Variants in RASSF1 observed in about 807,000 individuals in gnomAD.
RASSF1 encodes Ras association domain family member 1, also known as ras association domain-containing protein 1.
Under a neutral mutation model 34.3 loss-of-function variants are expected in RASSF1, and 33 were observed. The observed-to-expected ratio is 0.96, with a 90% CI of 0.73 to 1.29. The LOEUF is 1.29. RASSF1 is among the 50% of genes most tolerant of loss of function. The pLI is 0.00. For missense variants in RASSF1, 445 were observed against 471.8 expected (o/e 0.94, Z 0.53); for synonymous variants, 191 against 195.0 (o/e 0.98, Z 0.17).
chr3:50,339,753 C>T (rs1703295546), intron 1 of RASSF1, among the ~76,000 whole-genome samples: 1 of 152,186 alleles, frequency 6.6e-6, no homozygotes, highest in Admixed American at 6.5e-5. Flanking sequence ...ATGAGAGGGT[C>T]TCCATGCACA....
chr3:50,333,949 C>CT (rs1703035175), intron 2 of RASSF1, among the ~76,000 whole-genome samples: 2 of 152,170 alleles, frequency 1.3e-5, no homozygotes, highest in African/African-American at 4.8e-5. Flanking sequence ...CAGATAGGCC[C>CT]TAGTTAGAAT....
chr3:50,335,266 C>CTTT (rs201008830), intron 2 of RASSF1, among the ~76,000 whole-genome samples: 1 of 143,300 alleles, frequency 7.0e-6, no homozygotes, highest in Admixed American at 6.9e-5. Context: ...ATGTTTTTTT[C>CTTT]TTTTTTTTTA....
chr3:50,336,821 G>A, intron 2 of RASSF1: 1 of 309,482 alleles, frequency 3.2e-6, no homozygotes, highest in Non-Finnish European at 6.1e-6. Context: ...CCCAAGGAGG[G>A]AGCAGGAGCA....
chr3:50,335,599 A>G (rs937723804), intron 2 of RASSF1, among the ~76,000 whole-genome samples: 11 of 151,714 alleles, frequency 7.3e-5, no homozygotes, highest in Non-Finnish European at 1.2e-4. Context: ...GATTACAGGC[A>G]TGAGTCACCA....
chr3:50,336,655 T>C (rs587690740), intron 2 of RASSF1: 1 of 154,528 alleles, frequency 6.5e-6, no homozygotes, highest in Admixed American at 6.4e-5. Flanking sequence ...CAGCAGCTGG[T>C]GACAGGCCAG....
At chr3:50,336,970 G>T in intron 2 of RASSF1, 1 of 725,598 alleles carries the variant, frequency 1.4e-6, no homozygotes. Context: ...GAAACCAAGG[G>T]GGCCCCGGCA....
intron 2 of RASSF1, 115 bp from the exon 3 acceptor site, chr3:50,332,269 G>A (rs1473804503): frequency 3.8e-6 from 3 of 799,556 alleles, no homozygotes; most frequent in Non-Finnish European, 4.1e-6. Flanking sequence ...TGTCCCTGAT[G>A]TACATATACA....
At chr3:50,336,377 T>G (rs1449906938) in intron 2 of RASSF1, 1 of 152,276 alleles carries the variant, frequency 6.6e-6, no homozygotes, top group Non-Finnish European at 1.5e-5. Flanking sequence ...CCTGGTTCTC[T>G]GAGCCTGGTG....
chr3:50,335,896 G>A (rs937856257), intron 2 of RASSF1, among the ~76,000 whole-genome samples: 4 of 150,992 alleles, frequency 2.6e-5, no homozygotes, highest in Non-Finnish European at 1.5e-5. Context: ...GTGAGCCACC[G>A]TACTTGGCTT....
rs1439777003 is a variant in RASSF1 at position 50,337,996 on chromosome 3, C to G, written c.266G>C (p.Cys89Ser). ...GACGAGCGCGCGGCAGCGGTAGTGGCAGGTGAACTTGCAATCTGCAGAGAG... is the reference window on the plus strand; with the variant it reads ...GACGAGCGCGCGGCAGCGGTAGTGGGAGGTGAACTTGCAATCTGCAGAGAG... ...GLQCAHCKFT[C>S]HYRCRALVCL... Residue 89 changes from cysteine (C) to serine (S), a missense_variant, in exon 2 of 6, where the codon TGC (cysteine) becomes TCC (serine). Coordinates refer to ENST00000359365, the MANE Select transcript of RASSF1 (RefSeq NM_007182.5). 1.3e-6 allele frequency: 2 copies of G among 1,595,860 alleles called. No individual in the cohort carries two copies. The highest frequency in any genetic ancestry group is 2.7e-5 in the African/African-American group (2 of 74,784).
At chr3:50,335,079 G>A (rs1386608209) in intron 2 of RASSF1, among the ~76,000 whole-genome samples, 1 of 151,996 alleles carries the variant, frequency 6.6e-6, no homozygotes, top group Non-Finnish European at 1.5e-5. Context: ...CTCCCAAGTA[G>A]CTGGGATTAC....
chr3:50,335,766 C>T (rs886495401), intron 2 of RASSF1, among the ~76,000 whole-genome samples: 1 of 151,546 alleles, frequency 6.6e-6, no homozygotes, highest in African/African-American at 2.4e-5. Context: ...CCACCATGCC[C>T]GGCTAATTTT....
At chr3:50,332,183 G>T (rs762147351) in intron 2 of RASSF1, 29 bp from the exon 3 acceptor site, 2 of 1,600,730 alleles carry the variant, frequency 1.2e-6, no homozygotes, top group South Asian at 2.2e-5. Context: ...TGGACACAGG[G>T]CCCTTGAGGA....
Position 50,340,791 on chromosome 3 carries a change from A to T in RASSF1, c.15T>A (p.Pro5=). Residue 5 remains proline (P), a synonymous_variant, in exon 1 of 6, where the codon CCT becomes CCA. Coordinates refer to ENST00000359365, the MANE Select transcript of RASSF1 (RefSeq NM_007182.5). MSGE[P]ELIELRELAP... The stretch of plus-strand genomic sequence containing the variant: ...CCAGCTCCCGCAGCTCAATGAGCTC[A>T]GGCTCCCCCGACATGGCCCGGTTGG... 1 of 1,511,480 alleles carries T rather than the reference A, an allele frequency of 6.6e-7. No individual in the cohort carries two copies. The allele number at this position is 1,511,480 out of a possible 1,614,324, so 93.6% of individuals were successfully genotyped here. A position where few individuals can be genotyped will look rare whatever the true frequency, so the allele number is the denominator to read the frequency against.
chr3:50,337,005 G>A, intron 2 of RASSF1: 1 of 958,068 alleles, frequency 1.0e-6, no homozygotes, highest in Non-Finnish European at 1.5e-6. Flanking sequence ...GGTGGAATCG[G>A]GGTCTTACGC....
intron 2 of RASSF1, 192 bp downstream of exon 2, chr3:50,337,712 CG>C (rs1703209416): frequency 1.2e-6 from 1 of 831,878 alleles, no homozygotes; most frequent in South Asian, 1.8e-5. Flanking sequence ...CCGCTTGCAG[CG>C]GGTGGAGTAC....
In RASSF1 at chr3:50,331,428, T is replaced by C; in HGVS notation, c.782A>G (p.Asp261Gly). ...HGQVYLRKLL[D>G]DEQPLRLRLL... ...CCGCAGCCGCAGGGGCTGCTCATCA[T>C]CCAACAGCTTCCGCAAGTACACTGT... is the stretch of plus-strand genomic sequence containing the variant. The change falls in exon 5 of 6, where the codon GAT (aspartate) becomes GGT (glycine). Residue 261 changes from aspartate (D) to glycine (G), a missense_variant. Coordinates refer to ENST00000359365, the MANE Select transcript of RASSF1 (RefSeq NM_007182.5). 6.2e-7 allele frequency: 1 copy of C among 1,600,054 alleles called. No individual in the cohort carries two copies. The highest frequency in any genetic ancestry group is 8.5e-7 in the Non-Finnish European group (1 of 1,171,318).
At chr3:50,333,769 C>A (rs139062486) in intron 2 of RASSF1, among the ~76,000 whole-genome samples, 2 of 152,320 alleles carry the variant, frequency 1.3e-5, no homozygotes, top group East Asian at 1.9e-4. Context: ...CGTGAACCAT[C>A]GTACCCGACC....
rs1702902364 is a variant in RASSF1, at chr3:50,330,607, C to T, written c.997G>A (p.Ala333Thr). Reference protein sequence around the residue: ...YSYCRQKIQEALHACPLG With the variant: ...YSYCRQKIQETLHACPLG ...CACCCAAGGGGGCAGGCGTGCAGGG[C>T]CTCTTGGATCTTCTGGCGGCAATAG... is the stretch of plus-strand genomic sequence containing the variant. Residue 333 changes from alanine (A) to threonine (T), a missense_variant, in exon 6 of 6, where the codon GCC becomes ACC. Ala to Thr is a moderately conservative substitution (Grantham distance 58). Coordinates refer to ENST00000359365, the MANE Select transcript of RASSF1 (RefSeq NM_007182.5). The surrounding 1 kb of genome is among the most constrained non-coding windows in gnomAD (Gnocchi z 4.5). 6.2e-7 allele frequency: 1 copy of T among 1,614,120 alleles called. No individual in the cohort carries two copies. Among genetic ancestry groups the T allele is most frequent in the Non-Finnish European group, 8.5e-7 (1 of 1,180,006 alleles).
Sources: gnomAD v4.1 joint callset for allele counts (sites outside exome capture counted in the v4.1 genomes callset) on GRCh38, gnomAD v4.1.1 for gene constraint, Gnocchi (gnomAD v3.1) non-coding constraint, MANE v1.5 for transcripts, NCBI Gene and HGNC (gene_info 2026-07-23, HGNC 2026-07-21) for gene names.